Variants in ZFHX4 observed in about 807,000 individuals in gnomAD.
ZFHX4 encodes zinc finger homeobox 4.
Under a neutral mutation model 267.6 loss-of-function variants are expected in ZFHX4, and 56 were observed. The ratio of observed to expected loss-of-function variants is 0.21; its 90% CI spans 0.17 to 0.26. The LOEUF is 0.26. Ranked by LOEUF, ZFHX4 falls within the 10% of genes least tolerant of loss-of-function variation. ZFHX4 has a pLI of 1.00. For synonymous variants in ZFHX4, 1,778 were observed against 1,665.6 expected (o/e 1.07, Z -1.64); for missense variants, 4,332 against 4,420.0 (o/e 0.98, Z 0.56).
chr8:76,683,554 C>T (rs75909903), intron 1 of ZFHX4, among the ~76,000 whole-genome samples: 2 of 151,678 alleles, frequency 1.3e-5, no homozygotes, highest in Admixed American at 6.6e-5. Flanking sequence ...GTCTCCCCCC[C>T]ACCCTTTTTA....
rs1807525668 is a variant in ZFHX4 at position 76,681,432 on chromosome 8, G to T, written c.-235G>T. ...AACTCCTCCCGGACCCCCGAGGACC[G>T]CTCCATGCCCCCCACTTTCTGCTCC... is the stretch of plus-strand genomic sequence containing the variant. On this transcript the variant is annotated 5_prime_UTR_variant, in exon 1 of 11. Transcript: ENST00000651372. The T allele has an allele frequency of 5.0e-6, 2 of 398,112 alleles. No homozygotes were observed. The highest frequency in any genetic ancestry group is 7.1e-5 in the East Asian group (2 of 28,014). The allele number at this position is 398,112 out of a possible 1,614,324, so 24.7% of individuals were successfully genotyped here. A position where few individuals can be genotyped will look rare whatever the true frequency, so the allele number is the denominator to read the frequency against.
chr8:76,851,042 T>C lies in ZFHX4; in HGVS notation c.4121T>C (p.Leu1374Pro), dbSNP rs373149160. Residue 1374 changes from leucine (L) to proline (P), a missense_variant, in exon 10 of 11, where the codon CTG becomes CCG. By Grantham distance (98) the Leu-to-Pro change is moderately conservative (BLOSUM62 -3). Coordinates refer to ENST00000651372, the MANE Select transcript of ZFHX4 (RefSeq NM_024721.5). ...SSKDVKIPDT[L>P]QDQLNEQQKR... is the part of the protein sequence containing the mutation. ...AAGGATGTGAAAATCCCCGACACAC[T>C]GCAAGATCAATTAAATGAACAGCAA... is the stretch of plus-strand genomic sequence containing the variant. 3.3e-5 allele frequency: 54 copies of C among 1,613,968 alleles called. No homozygotes were observed. In the African/African-American group the frequency reaches 6.8e-4, roughly 20 times the overall value.
intron 1 of ZFHX4, among the ~76,000 whole-genome samples, chr8:76,682,156 C>T (rs1807550807): frequency 6.6e-6 from 1 of 152,120 alleles, no homozygotes; most frequent in African/African-American, 2.4e-5. Context: ...ACTGGTCCTC[C>T]GCACTCATCC....
At chr8:76,780,424 C>G (rs990539186) in intron 4 of ZFHX4, among the ~76,000 whole-genome samples, 3 of 152,052 alleles carry the variant, frequency 2.0e-5, no homozygotes, top group Admixed American at 6.6e-5. Context: ...TTTGATAAAC[C>G]AAATGATATC....
intron 4 of ZFHX4, among the ~76,000 whole-genome samples, chr8:76,817,885 T>C (rs1811547139): frequency 6.6e-6 from 1 of 152,230 alleles, no homozygotes; most frequent in Non-Finnish European, 1.5e-5. Context: ...GACCCTTCTT[T>C]AGTATCTGGA....
In ZFHX4 at chr8:76,855,283, C is replaced by G. The variant is rs764110405; in HGVS notation, c.8362C>G (p.Pro2788Ala). The part of the protein sequence containing the change: ...SEDVENLNAP[P>A]AEAGYDQNKT... ...GGATGTAGAGAATTTAAATGCCCCT[C>G]CTGCTGAGGCTGGGTATGATCAAAA... Residue 2788 changes from proline (P) to alanine (A), a missense_variant, in exon 10 of 11, where the codon CCT (proline) becomes GCT (alanine). Coordinates refer to ENST00000651372, the MANE Select transcript of ZFHX4 (RefSeq NM_024721.5). 9 of 1,612,844 alleles carry G rather than the reference C, an allele frequency of 5.6e-6. No individual in the cohort carries two copies. The highest frequency in any genetic ancestry group is 5.1e-6 in the Non-Finnish European group (6 of 1,179,558).
intron 3 of ZFHX4, among the ~76,000 whole-genome samples, chr8:76,757,257 A>T (rs73231799): frequency 0.015 from 2,242 of 152,296 alleles, 65 homozygotes; most frequent in African/African-American, 0.05. Flanking sequence ...AAGAGCTATG[A>T]TAGAGGTATA....
chr8:76,833,304 T>G, intron 4 of ZFHX4, 34 bp from the exon 5 acceptor site: 2 of 1,586,642 alleles, frequency 1.3e-6, no homozygotes, highest in Non-Finnish European at 1.7e-6. Flanking sequence ...GGATATGGCA[T>G]GCTGATTACC....
At chr8:76,762,409 G>A (rs942390278) in intron 3 of ZFHX4, among the ~76,000 whole-genome samples, 1 of 152,144 alleles carries the variant, frequency 6.6e-6, no homozygotes, top group African/African-American at 2.4e-5. Flanking sequence ...GACTTTTAGT[G>A]AAAATCAAAT....
At chr8:76,779,423 G>A (rs1195465026) in intron 4 of ZFHX4, among the ~76,000 whole-genome samples, 5 of 152,082 alleles carry the variant, frequency 3.3e-5, no homozygotes, top group Non-Finnish European at 5.9e-5. Flanking sequence ...GGTGAGAAGC[G>A]TCAAGGTCGC....
chr8:76,703,646 C>A (rs1808161275), intron 1 of ZFHX4: 1 of 156,380 alleles, frequency 6.4e-6, no homozygotes. Context: ...TAAGTTATTT[C>A]TGTTGTTCTT....
intron 4 of ZFHX4, among the ~76,000 whole-genome samples, chr8:76,791,984 T>A (rs989511253): frequency 6.6e-6 from 1 of 152,178 alleles, no homozygotes; most frequent in African/African-American, 2.4e-5. Context: ...TCCACAGATA[T>A]AATTTTAAAA....
At chr8:76,856,432 A>G (rs896574352) in intron 10 of ZFHX4, 132 bp downstream of exon 10, 2 of 1,076,018 alleles carry the variant, frequency 1.9e-6, no homozygotes, top group African/African-American at 1.6e-5. Flanking sequence ...TATTTAAAGT[A>G]TATATTATAT....
Position 76,853,698 on chromosome 8 carries a change from C to A in ZFHX4, c.6777C>A (p.Leu2259=), listed in dbSNP as rs753238198. 2 of 1,613,652 alleles carry A rather than the reference C, an allele frequency of 1.2e-6. No individual in the cohort carries two copies. The highest frequency in any genetic ancestry group is 1.1e-5 in the South Asian group (1 of 91,046). ...AYPKDDEIEQ[L]STVLNLPTRV... ...CAAAAGATGATGAAATAGAACAACT[C>A]TCCACTGTTCTCAATCTGCCTACCC... The change falls in exon 10 of 11, where the codon CTC becomes CTA. Residue 2259 remains leucine, a synonymous_variant. Transcript: ENST00000651372.
At chr8:76,832,722 C>A (rs1018466250) in intron 4 of ZFHX4, among the ~76,000 whole-genome samples, 4 of 152,062 alleles carry the variant, frequency 2.6e-5, no homozygotes, top group African/African-American at 9.7e-5. Flanking sequence ...CAATAGAGTG[C>A]AAAAAGGAAT....
At chr8:76,685,551 G>A (rs540693371) in intron 1 of ZFHX4, among the ~76,000 whole-genome samples, 71 of 152,214 alleles carry the variant, frequency 4.7e-4, no homozygotes, top group African/African-American at 6.3e-4. Flanking sequence ...TAATATATAC[G>A]TTTATGTAAT....
At chr8:76,805,506 G>C (rs1345685152) in intron 4 of ZFHX4, among the ~76,000 whole-genome samples, 1 of 151,704 alleles carries the variant, frequency 6.6e-6, no homozygotes, top group Non-Finnish European at 1.5e-5. Context: ...CATAATTTCT[G>C]GCTTTTTCTC....
chr8:76,771,891 A>C (rs1045186092), intron 3 of ZFHX4, among the ~76,000 whole-genome samples: 1 of 152,178 alleles, frequency 6.6e-6, no homozygotes, highest in Non-Finnish European at 1.5e-5. Context: ...AAGAGAAAGC[A>C]TCAAAGATGA....
intron 5 of ZFHX4, among the ~76,000 whole-genome samples, chr8:76,839,947 CA>C (rs1346062471): frequency 6.6e-6 from 1 of 152,094 alleles, no homozygotes; most frequent in Non-Finnish European, 1.5e-5. Flanking sequence ...CAATGAATGT[CA>C]AATTTATTTC....
Sources: gnomAD v4.1 joint callset for allele counts (sites outside exome capture counted in the v4.1 genomes callset) on GRCh38, gnomAD v4.1.1 for gene constraint, MANE v1.5 for transcripts, NCBI Gene and HGNC (gene_info 2026-07-23, HGNC 2026-07-21) for gene names.